PRH1: variants seen among roughly 807,000 people sequenced by gnomAD.
PRH1 encodes proline rich protein HaeIII subfamily 1.
Under a neutral mutation model 7.9 loss-of-function variants are expected in PRH1, and 7 were observed. That is an observed-to-expected ratio of 0.89 (90% confidence interval 0.50 to 1.67). The LOEUF (loss-of-function observed/expected upper bound fraction) is 1.67, where lower values mean the gene tolerates loss of function less well. Among genes scored for constraint, PRH1 ranks in the 40% most tolerant of loss-of-function variants. PRH1 has a pLI of 0.00. For synonymous variants in PRH1, 45 were observed against 80.8 expected (o/e 0.56, Z 2.38); for missense variants, 109 against 223.6 (o/e 0.49, Z 3.27).
intron 1 of PRH1, chr12:10,997,587 A>C (rs1940345165): frequency 6.2e-7 from 1 of 1,614,112 alleles, no homozygotes; most frequent in East Asian, 2.2e-5. Flanking sequence ...GTAGCAAGCC[A>C]GATGCTGAAA....
chr12:10,949,521 T>C (rs1724483344), intron 2 of PRH1, among the ~76,000 whole-genome samples: 1 of 152,250 alleles, frequency 6.6e-6, no homozygotes, highest in Non-Finnish European at 1.5e-5. Flanking sequence ...GAAAAGCTTA[T>C]AATTTTAACT....
chr12:10,885,069 C>T (rs1949470239), upstream of PRH1, among the ~76,000 whole-genome samples: 1 of 152,214 alleles, frequency 6.6e-6, no homozygotes, highest in South Asian at 2.1e-4. Context: ...AAGACCTCCA[C>T]TTTCTCCAGA....
intron 1 of PRH1, among the ~76,000 whole-genome samples, chr12:11,131,372 T>A (rs1359260944): frequency 6.6e-6 from 1 of 152,196 alleles, no homozygotes; most frequent in Non-Finnish European, 1.5e-5. Flanking sequence ...TCGGTTCTTG[T>A]CTCAATTTCC....
intron 1 of PRH1, among the ~76,000 whole-genome samples, chr12:11,036,848 T>C (rs1466358981): frequency 6.6e-6 from 1 of 152,218 alleles, no homozygotes; most frequent in African/African-American, 2.4e-5. Context: ...ATGATGATAA[T>C]GATGATGGCA....
intron 1 of PRH1, among the ~76,000 whole-genome samples, chr12:11,033,856 A>T (rs1942329074): frequency 6.6e-6 from 1 of 152,232 alleles, no homozygotes; most frequent in South Asian, 2.1e-4. Flanking sequence ...ATGAACCAAT[A>T]CAAAAATGGG....
At chr12:10,909,900 T>A (rs1949870347) in intron 2 of PRH1, among the ~76,000 whole-genome samples, 1 of 152,168 alleles carries the variant, frequency 6.6e-6, no homozygotes, top group Admixed American at 6.5e-5. Context: ...TTACAAAGCA[T>A]CCATCTTTCT....
chr12:11,049,681 T>G (rs1459801665), upstream of PRH1, among the ~76,000 whole-genome samples: 1 of 152,208 alleles, frequency 6.6e-6, no homozygotes, highest in Non-Finnish European at 1.5e-5. Flanking sequence ...AGGGAAATTT[T>G]AAAACCCAAT....
At chr12:10,998,821 G>A (rs989942869) in intron 1 of PRH1, among the ~76,000 whole-genome samples, 2 of 152,080 alleles carry the variant, frequency 1.3e-5, no homozygotes, top group South Asian at 2.1e-4. Context: ...TTGCACTAGG[G>A]CTCTGAGTTC....
chr12:10,918,465 A>G (rs181918447), intron 2 of PRH1, among the ~76,000 whole-genome samples: 35 of 152,344 alleles, frequency 2.3e-4, no homozygotes, highest in Admixed American at 2.3e-3. Context: ...CTTTTATAGC[A>G]ACATAAAATG....
intron 1 of PRH1, among the ~76,000 whole-genome samples, chr12:11,143,102 A>G (rs534265623): frequency 1.6e-4 from 23 of 143,026 alleles, no homozygotes; most frequent in African/African-American, 5.8e-4. Context: ...TACAAAAATT[A>G]AATCATGAAC....
intron 1 of PRH1, among the ~76,000 whole-genome samples, chr12:11,150,993 G>T (rs914857339): frequency 1.3e-5 from 2 of 152,236 alleles, no homozygotes; most frequent in Middle Eastern, 3.4e-3. Context: ...GAGTCTCACT[G>T]AGCTGTGACA....
intron 2 of PRH1, among the ~76,000 whole-genome samples, chr12:10,943,296 T>C (rs758232674): frequency 6.6e-6 from 1 of 152,170 alleles, no homozygotes; most frequent in Non-Finnish European, 1.5e-5. Context: ...TGGTACCTCA[T>C]TGTGGTTTTG....
At chr12:11,085,056 G>A (rs1591982406) in intron 1 of PRH1, among the ~76,000 whole-genome samples, 1 of 113,678 alleles carries the variant, frequency 8.8e-6, no homozygotes, top group African/African-American at 3.0e-5. Context: ...TCCTGACCTC[G>A]TGATCCACCC....
intron 2 of PRH1, among the ~76,000 whole-genome samples, chr12:10,922,838 T>TTTTTTTTTTTTTTTTTC (rs1555107601): frequency 8.0e-6 from 1 of 125,032 alleles, no homozygotes; most frequent in African/African-American, 2.6e-5. Flanking sequence ...TTTCTTTTTT[T>TTTTTTTTTTTTTTTTTC]TGAGACGGAG....
intron 2 of PRH1, chr12:10,939,398 T>C: frequency 2.0e-6 from 1 of 491,782 alleles, no homozygotes; most frequent in Non-Finnish European, 3.5e-6. Context: ...AAAATCTCTG[T>C]ATTTCCCCAG....
chr12:10,987,249 G>T (rs1287761285), intron 1 of PRH1, among the ~76,000 whole-genome samples: 6 of 152,050 alleles, frequency 3.9e-5, no homozygotes, highest in Non-Finnish European at 7.4e-5. Context: ...CGTAATTTGT[G>T]TTCAGCAACT....
At position 11,089,345 on chromosome 12, in the gene PRH1, C is replaced by T. The variant is rs920647757; in HGVS notation, n.124-42157G>A. 8.6e-5 allele frequency among the ~76,000 whole-genome samples: 10 copies of T among 115,758 alleles called. 1 individual carries two copies. Among genetic ancestry groups the T allele is most frequent in the African/African-American group, 1.2e-4 (4 of 34,508 alleles). The allele number at this position is 115,758 out of a possible 152,430, so 75.9% of individuals were successfully genotyped here. A position where few individuals can be genotyped will look rare whatever the true frequency, so the allele number is the denominator to read the frequency against. On this transcript the variant is annotated intron_variant and non_coding_transcript_variant, in intron 1 of 4. Transcript: ENST00000541977. ...TAAGAAATAGAAGACTAATGACAGC[C>T]GAGCAGATACATTCTCCCTCCTCTC... is the stretch of plus-strand genomic sequence containing the variant.
intron 2 of PRH1, among the ~76,000 whole-genome samples, chr12:10,911,250 T>G (rs1352830338): frequency 6.6e-6 from 1 of 152,212 alleles, no homozygotes; most frequent in Non-Finnish European, 1.5e-5. Flanking sequence ...GGAATGGTAC[T>G]GTACTTGCTG....
intron 1 of PRH1, chr12:10,996,969 C>A: frequency 6.2e-7 from 1 of 1,612,870 alleles, no homozygotes; most frequent in Non-Finnish European, 8.5e-7. Context: ...TGGTTCTGTC[C>A]TTTTGCCCAG....
Sources: allele counts gnomAD v4.1 joint callset (sites outside exome capture counted in the v4.1 genomes callset), GRCh38; gene constraint gnomAD v4.1.1; transcripts MANE v1.5; gene names NCBI Gene and HGNC (gene_info 2026-07-23, HGNC 2026-07-21).